RBM6: variants seen among roughly 807,000 people sequenced by gnomAD.
RBM6 encodes RNA-binding protein 6.
A neutral mutation model predicts 140.4 loss-of-function variants in RBM6; 23 were observed. The ratio of observed to expected loss-of-function variants is 0.16; its 90% CI spans 0.12 to 0.23. The LOEUF (loss-of-function observed/expected upper bound fraction) is 0.23, where lower values mean the gene tolerates loss of function less well. Among genes scored for constraint, RBM6 ranks in the 10% least tolerant of loss-of-function variants. The pLI is 1.00. For synonymous variants in RBM6, 439 were observed against 475.6 expected, an observed-to-expected ratio of 0.92 and a Z score of 1.00; for missense variants, 1,139 against 1,386.7, an observed-to-expected ratio of 0.82 and a Z score of 2.84.
chr3:49,989,346 G>A (rs1040785687), intron 5 of RBM6, among the ~76,000 whole-genome samples: 4 of 152,060 alleles, frequency 2.6e-5, no homozygotes, highest in Non-Finnish European at 2.9e-5. Context: ...AGGCCGAGGC[G>A]GGTGGATCAC....
chr3:50,031,026 C>T (rs375895496), intron 6 of RBM6, among the ~76,000 whole-genome samples: 5 of 152,170 alleles, frequency 3.3e-5, no homozygotes, highest in East Asian at 3.8e-4. Flanking sequence ...AGGTGGCTCA[C>T]GCCTATATGT....
At chr3:50,026,921 A>AT (rs2087870543) in intron 6 of RBM6, among the ~76,000 whole-genome samples, 1 of 140,386 alleles carries the variant, frequency 7.1e-6, no homozygotes, top group Non-Finnish European at 1.6e-5. Flanking sequence ...AAAAAAAAAA[A>AT]AATAGCATAG....
chr3:49,946,878 A>G (rs2083509878), intron 1 of RBM6, among the ~76,000 whole-genome samples: 1 of 147,992 alleles, frequency 6.8e-6, no homozygotes, highest in Admixed American at 6.8e-5. Context: ...TAGCTATCCT[A>G]GTGGATGTGA....
In RBM6 at chr3:49,991,806, C is replaced by T. The variant is rs182442290; in HGVS notation, c.1484-7634C>T. Among the ~76,000 whole-genome samples the T allele has an allele frequency of 3.2e-3, 482 of 152,292 alleles. 1 individual carries two copies. The highest frequency in any genetic ancestry group is 5.2e-3 in the Non-Finnish European group (351 of 68,026). On this transcript the variant is annotated intron_variant, in intron 5 of 20. Transcript: ENST00000266022. ...ACCTAATGTCAGTTGTTTCATCCTT[C>T]TCTGGATGCATGTTCACTTCTGGAA... is the stretch of plus-strand genomic sequence containing the variant.
intron 5 of RBM6, among the ~76,000 whole-genome samples, chr3:49,997,524 C>G (rs531713192): frequency 2.4e-4 from 36 of 152,232 alleles, no homozygotes; most frequent in African/African-American, 8.4e-4. Context: ...AGTATTAGTT[C>G]TCTATGTTTT....
intron 6 of RBM6, among the ~76,000 whole-genome samples, chr3:50,034,897 GCTT>G (rs563826919): frequency 8.9e-4 from 135 of 152,240 alleles, no homozygotes; most frequent in Non-Finnish European, 1.4e-3. Context: ...AGCAGGCTCA[GCTT>G]CTTTGTCCCT....
intron 6 of RBM6, among the ~76,000 whole-genome samples, chr3:50,008,109 C>T (rs2108759288): frequency 6.6e-6 from 1 of 152,254 alleles, no homozygotes; most frequent in South Asian, 2.1e-4. Flanking sequence ...AAGCAAAACA[C>T]CCTAAGCTCT....
At chr3:50,051,045 A>G (rs1575813793) in intron 7 of RBM6, among the ~76,000 whole-genome samples, 1 of 152,240 alleles carries the variant, frequency 6.6e-6, no homozygotes, top group African/African-American at 2.4e-5. Flanking sequence ...TAAAGAAAAA[A>G]AAAGAGAGAG....
chr3:49,952,128 G>A (rs1027059339), intron 1 of RBM6, among the ~76,000 whole-genome samples: 1 of 151,686 alleles, frequency 6.6e-6, no homozygotes, highest in Admixed American at 6.6e-5. Context: ...TCTGCCTCCC[G>A]AGTTCAAGTG....
Position 49,962,576 on chromosome 3 carries a change from G to A in RBM6, c.-66G>A. 7.1e-7 allele frequency: 1 copy of A among 1,403,666 alleles called. No individual in the cohort carries two copies. The highest frequency in any genetic ancestry group is 9.8e-7 in the Non-Finnish European group (1 of 1,018,298). The allele number at this position is 1,403,666 out of a possible 1,614,324, so 87.0% of individuals were successfully genotyped here. A position where few individuals can be genotyped will look rare whatever the true frequency, so the allele number is the denominator to read the frequency against. On this transcript the variant is annotated splice_region_variant and 5_prime_UTR_variant, in exon 2 of 21. Coordinates refer to ENST00000266022, the MANE Select transcript of RBM6 (RefSeq NM_005777.3). ...AATTTTTGTGGTTTATTTTGTACAG[G>A]TACTGCTATAACCAGAATTTGGTAG...
intron 20 of RBM6, among the ~76,000 whole-genome samples, chr3:50,076,319 A>G (rs2090459441): frequency 6.7e-6 from 1 of 149,422 alleles, no homozygotes; most frequent in African/African-American, 2.4e-5. Flanking sequence ...GCAGTGGCTT[A>G]TGCTTGTAAT....
At chr3:49,957,829 T>A (rs2084067905) in intron 1 of RBM6, among the ~76,000 whole-genome samples, 1 of 135,752 alleles carries the variant, frequency 7.4e-6, no homozygotes, top group African/African-American at 2.8e-5. Context: ...CCAGAGATCT[T>A]TCTTTCTTTT....
At chr3:50,061,255 T>C in intron 13 of RBM6, 34 bp downstream of exon 13, 2 of 1,613,160 alleles carry the variant, frequency 1.2e-6, no homozygotes, top group Non-Finnish European at 1.7e-6. Flanking sequence ...TGTTGCTCTT[T>C]TTTGCTTGAC....
intron 5 of RBM6, among the ~76,000 whole-genome samples, chr3:49,990,901 T>C (rs563620312): frequency 6.6e-6 from 1 of 152,344 alleles, no homozygotes; most frequent in East Asian, 1.9e-4. Context: ...TTTTCCCCTC[T>C]TGATACCAGG....
At chr3:50,044,475 C>A (rs1411419890) in intron 6 of RBM6, among the ~76,000 whole-genome samples, 3 of 151,426 alleles carry the variant, frequency 2.0e-5, no homozygotes, top group Non-Finnish European at 2.9e-5. Flanking sequence ...ACAAGCTACT[C>A]GAGAGGCCGA....
In RBM6 at chr3:49,946,731, C is replaced by T. The variant is rs185434727; in HGVS notation, c.-67+6506C>T. On this transcript the variant is annotated intron_variant, in intron 1 of 20. Transcript: ENST00000266022. ...TTGTATTTTAGTAGAGACAGGGTTT[C>T]ACCATATTAGCCAGGCTGGTCTTGA... Among the ~76,000 whole-genome samples, 435 of 151,706 alleles carry T rather than the reference C, an allele frequency of 2.9e-3. 1 individual carries two copies. Among genetic ancestry groups the T allele is most frequent in the Non-Finnish European group, 4.2e-3 (282 of 67,910 alleles).
At chr3:49,982,563 C>T (rs762723648) in intron 5 of RBM6, among the ~76,000 whole-genome samples, 2 of 151,686 alleles carry the variant, frequency 1.3e-5, no homozygotes, top group African/African-American at 2.4e-5. Flanking sequence ...TACAGGCACC[C>T]GCCACCACGC....
Position 49,973,274 on chromosome 3 carries a change from A to G in RBM6, c.1413+1126A>G, listed in dbSNP as rs558921991. 8.5e-5 allele frequency among the ~76,000 whole-genome samples: 13 copies of G among 152,070 alleles called. No individual in the cohort carries two copies. The South Asian group carries it at 1.5e-3, about 17-fold the overall frequency. Reference sequence around the variant, plus strand: ...CTCCTGAGTAGCTGGGACCACGGGCATGCATGCTAATGGGGCTGTTTTTTG... The same window carrying G: ...CTCCTGAGTAGCTGGGACCACGGGCGTGCATGCTAATGGGGCTGTTTTTTG... On this transcript the variant is annotated intron_variant, in intron 4 of 20. Transcript: ENST00000266022.
rs748990943 is a variant in RBM6 at position 50,054,376 on chromosome 3, C to T, written c.1674C>T (p.Phe558=). Residue 558 remains phenylalanine, a synonymous_variant, in exon 8 of 21, where the codon TTC becomes TTT. Coordinates refer to ENST00000266022, the MANE Select transcript of RBM6 (RefSeq NM_005777.3). The stretch of plus-strand genomic sequence containing the variant: ...GTGGGCACCGATCTTCCTGTTCATT[C>T]TGCAAGAACCCAAGAGAAGGTGAGT... The part of the protein sequence containing the change: ...NIGGHRSSCS[F]CKNPREVTEA... The T allele has an allele frequency of 6.2e-7, 1 of 1,612,882 alleles. No homozygotes were observed. Among genetic ancestry groups the T allele is most frequent in the Non-Finnish European group, 8.5e-7 (1 of 1,178,948 alleles).
Sources: allele counts gnomAD v4.1 joint callset (sites outside exome capture counted in the v4.1 genomes callset), GRCh38; gene constraint gnomAD v4.1.1; transcripts MANE v1.5; gene names NCBI Gene and HGNC (gene_info 2026-07-23, HGNC 2026-07-21).